MYT1L: variants seen among roughly 807,000 people sequenced by gnomAD.
MYT1L encodes myelin transcription factor 1 like, also known as myelin transcription factor 1-like protein.
A neutral mutation model predicts 126.7 loss-of-function variants in MYT1L; 12 were observed. The ratio of observed to expected loss-of-function variants is 0.09; its 90% confidence interval spans 0.06 to 0.15. MYT1L has a LOEUF of 0.15. MYT1L is among the 10% of genes least tolerant of loss of function. The probability of loss-of-function intolerance (pLI) is 1.00; values close to 1 mark genes in which losing one functional copy is unlikely to be tolerated. For missense variants in MYT1L, 979 were observed against 1,585.2 expected (o/e 0.62, Z 6.49); for synonymous variants, 541 against 604.2 (o/e 0.90, Z 1.53).
chr2:2,028,561 G>A (rs1574642827), intron 4 of MYT1L, among the ~76,000 whole-genome samples: 1 of 152,182 alleles, frequency 6.6e-6, no homozygotes, highest in Non-Finnish European at 1.5e-5. Context: ...GAGAATTTTA[G>A]AGGAAATTAA....
At chr2:2,285,926 A>G (rs950140032) in intron 1 of MYT1L, among the ~76,000 whole-genome samples, 1 of 152,128 alleles carries the variant, frequency 6.6e-6, no homozygotes, top group Admixed American at 6.5e-5. Flanking sequence ...GCTAGCCTCC[A>G]GTTTCTCAGA....
At chr2:2,192,915 C>T (rs2092657894) in intron 2 of MYT1L, among the ~76,000 whole-genome samples, 1 of 152,146 alleles carries the variant, frequency 6.6e-6, no homozygotes, top group Non-Finnish European at 1.5e-5. Context: ...TTTTCAAAGG[C>T]AGAACTACCA....
At chr2:2,081,370 A>G (rs1424641126) in intron 3 of MYT1L, among the ~76,000 whole-genome samples, 3 of 152,150 alleles carry the variant, frequency 2.0e-5, no homozygotes, top group African/African-American at 7.2e-5. Context: ...CTGGACTCCT[A>G]CTTCCCTCTT....
intron 3 of MYT1L, among the ~76,000 whole-genome samples, chr2:2,118,660 T>A (rs1017368739): frequency 3.3e-5 from 5 of 152,252 alleles, no homozygotes; most frequent in African/African-American, 9.6e-5. Context: ...GTGCCTTGGA[T>A]ACTACCAATC....
intron 4 of MYT1L, among the ~76,000 whole-genome samples, chr2:2,013,203 G>C (rs2064012813): frequency 2.0e-5 from 3 of 152,166 alleles, no homozygotes; most frequent in Non-Finnish European, 4.4e-5. Flanking sequence ...AAACACAAAT[G>C]AAGCAACTGA....
intron 1 of MYT1L, among the ~76,000 whole-genome samples, chr2:2,300,327 C>G (rs2095763571): frequency 6.6e-6 from 1 of 152,168 alleles, no homozygotes; most frequent in African/African-American, 2.4e-5. Flanking sequence ...ACCTAAATAA[C>G]TTTAATATCT....
intron 8 of MYT1L, among the ~76,000 whole-genome samples, chr2:1,969,180 T>A (rs1012343296): frequency 1.3e-5 from 2 of 152,172 alleles, no homozygotes; most frequent in Non-Finnish European, 2.9e-5. Flanking sequence ...GTGAAGGCAC[T>A]GGAAGCAGGA....
At chr2:2,134,911 C>T (rs1425190498) in intron 3 of MYT1L, among the ~76,000 whole-genome samples, 1 of 152,190 alleles carries the variant, frequency 6.6e-6, no homozygotes, top group African/African-American at 2.4e-5. Flanking sequence ...GCTGCCTACC[C>T]AGGTGAAACT....
intron 2 of MYT1L, among the ~76,000 whole-genome samples, chr2:2,251,117 A>T (rs1019998309): frequency 6.6e-6 from 1 of 152,162 alleles, no homozygotes; most frequent in African/African-American, 2.4e-5. Context: ...ATTACCTCTC[A>T]TCGTGGAATT....
intron 3 of MYT1L, among the ~76,000 whole-genome samples, chr2:2,162,986 G>T (rs1401401670): frequency 6.6e-6 from 1 of 151,784 alleles, no homozygotes; most frequent in African/African-American, 2.4e-5. Flanking sequence ...ACTGATAAAA[G>T]TAGAAGTGGA....
chr2:1,927,062 A>G (rs2054323933), intron 9 of MYT1L, among the ~76,000 whole-genome samples: 1 of 152,224 alleles, frequency 6.6e-6, no homozygotes, highest in African/African-American at 2.4e-5. Flanking sequence ...CCACAGAGCA[A>G]CAGACTCTGA....
intron 4 of MYT1L, among the ~76,000 whole-genome samples, chr2:2,050,557 T>C (rs932175485): frequency 2.6e-5 from 4 of 152,186 alleles, no homozygotes; most frequent in African/African-American, 7.2e-5. Context: ...CAGTGGCTAA[T>C]TGGGACACAC....
Position 1,803,721 on chromosome 2 carries a change from G to T in MYT1L, c.3173-1922C>A, listed in dbSNP as rs1015037852. ...TTTGTGGGAGCCTGGGAACGTCTCAGTCCTGGGGCTGCCCACTGCGGCTCT... is the reference window on the plus strand; with the variant it reads ...TTTGTGGGAGCCTGGGAACGTCTCATTCCTGGGGCTGCCCACTGCGGCTCT... On this transcript the variant is annotated intron_variant, in intron 22 of 24. Transcript: ENST00000647738. Among the ~76,000 whole-genome samples, 4 of 152,216 alleles carry T rather than the reference G, an allele frequency of 2.6e-5. No individual in the cohort carries two copies. The South Asian group carries it at 6.2e-4, about 24-fold the overall frequency.
chr2:1,847,460 G>GA (rs2042653448), intron 19 of MYT1L, among the ~76,000 whole-genome samples: 1 of 152,104 alleles, frequency 6.6e-6, no homozygotes, highest in African/African-American at 2.4e-5. Context: ...CTGATCCTAT[G>GA]AAAAACGCAT....
intron 21 of MYT1L, among the ~76,000 whole-genome samples, chr2:1,838,457 T>C (rs1313741254): frequency 1.3e-5 from 2 of 152,232 alleles, no homozygotes; most frequent in East Asian, 3.9e-4. Context: ...ATTGTAAATC[T>C]CCCCAAAGGG....
At chr2:1,985,209 G>A (rs553074131) in intron 5 of MYT1L, among the ~76,000 whole-genome samples, 9 of 152,138 alleles carry the variant, frequency 5.9e-5, no homozygotes, top group Non-Finnish European at 8.8e-5. Context: ...TGCTCAATTC[G>A]CTTGGTCAAT....
chr2:2,104,057 A>G (rs1241032897), intron 3 of MYT1L, among the ~76,000 whole-genome samples: 2 of 152,216 alleles, frequency 1.3e-5, no homozygotes, highest in African/African-American at 4.8e-5. Flanking sequence ...GATAGTTGAC[A>G]ATACAGACTG....
At chr2:2,195,200 G>T (rs1402472579) in intron 2 of MYT1L, among the ~76,000 whole-genome samples, 2 of 152,200 alleles carry the variant, frequency 1.3e-5, no homozygotes, top group Admixed American at 1.3e-4. Context: ...AGAGTTTCAT[G>T]ATGATCTGAA....
chr2:1,975,692 C>A (rs1420212030), intron 8 of MYT1L, among the ~76,000 whole-genome samples: 1 of 152,126 alleles, frequency 6.6e-6, no homozygotes, highest in Non-Finnish European at 1.5e-5. Context: ...GGTGAAACCC[C>A]ACCTCTACTA....
Sources: gnomAD v4.1 joint callset for allele counts (sites outside exome capture counted in the v4.1 genomes callset) on GRCh38, gnomAD v4.1.1 for gene constraint, MANE v1.5 for transcripts, NCBI Gene and HGNC (gene_info 2026-07-23, HGNC 2026-07-21) for gene names.